The following RHEX variants were observed in gnomAD, a reference collection of about 807,000 sequenced individuals.
RHEX encodes the protein regulator of hemoglobinization and erythroid cell expansion, also known as regulator of hemoglobinization and erythroid cell expansion protein.
Under a neutral mutation model 20.1 loss-of-function variants are expected in RHEX, and 18 were observed. The observed-to-expected ratio is 0.90, with a 90% CI of 0.62 to 1.33. The LOEUF (loss-of-function observed/expected upper bound fraction) is 1.33, where lower values mean the gene tolerates loss of function less well. Among genes scored for constraint, RHEX ranks in the 40% most tolerant of loss-of-function variants. The pLI is 0.00. For missense variants in RHEX, 192 were observed against 214.3 expected, an observed-to-expected ratio of 0.90 and a Z score of 0.65; for synonymous variants, 87 against 77.1, an observed-to-expected ratio of 1.13 and a Z score of -0.67.
intron 2 of RHEX, 38 bp downstream of exon 2, chr1:206,097,877 C>T: frequency 6.9e-7 from 1 of 1,438,898 alleles, no homozygotes; most frequent in African/African-American, 1.4e-5. Context: ...AAGGTTCCCA[C>T]CAAGCTAACT....
In RHEX at chr1:206,097,975, C is replaced by T. The variant is rs145268831; in HGVS notation, c.12-106C>T. 234 of 1,168,530 alleles carry T rather than the reference C, an allele frequency of 2.0e-4. 1 individual carries two copies. In the African/African-American group the frequency reaches 3.2e-3, roughly 16 times the overall value. The allele number at this position is 1,168,530 out of a possible 1,614,324, so 72.4% of individuals were successfully genotyped here. A position where few individuals can be genotyped will look rare whatever the true frequency, so the allele number is the denominator to read the frequency against. ...AGAGGCAAAGGGACCTACCCTGGGA[C>T]ACGCAGCAATGCCAGATGTCTGCCT... On this transcript the variant is annotated intron_variant, in intron 2 of 5. Transcript: ENST00000331555.
At chr1:206,093,483 C>T (rs1273784288) in intron 1 of RHEX, among the ~76,000 whole-genome samples, 1 of 152,100 alleles carries the variant, frequency 6.6e-6, no homozygotes, top group African/African-American at 2.4e-5. Flanking sequence ...CTTGGCCAGG[C>T]TGGTCTTGAA....
Position 206,067,818 on chromosome 1 carries a change from T to C in RHEX, c.-97+14553T>C, listed in dbSNP as rs1353008458. Among the ~76,000 whole-genome samples the C allele has an allele frequency of 2.6e-5, 4 of 152,222 alleles. No homozygotes were observed. Among genetic ancestry groups the C allele is most frequent in the African/African-American group, 9.6e-5 (4 of 41,454 alleles). On this transcript the variant is annotated intron_variant, in intron 1 of 5. Coordinates refer to ENST00000331555, the MANE Select transcript of RHEX (RefSeq NM_001007544.4). The surrounding 1 kb of genome is among the most constrained non-coding windows in gnomAD (Gnocchi z 4.6). The stretch of plus-strand genomic sequence containing the variant: ...TCCTTGCAACATATTCTCCCTGTAA[T>C]GAGCTTGCTTTCTTTAACTCACTAC...
At chr1:206,064,719 GC>G (rs1391798987) in intron 1 of RHEX, among the ~76,000 whole-genome samples, 2 of 151,464 alleles carry the variant, frequency 1.3e-5, no homozygotes, top group Admixed American at 6.6e-5. Flanking sequence ...CTGCCCGGCC[GC>G]CCCTGCTGGG....
At chr1:206,091,602 C>T (rs1453731355) in intron 1 of RHEX, among the ~76,000 whole-genome samples, 1 of 152,110 alleles carries the variant, frequency 6.6e-6, no homozygotes, top group Admixed American at 6.5e-5. Flanking sequence ...AAGACAGCTT[C>T]CTGACATGAT....
intron 1 of RHEX, among the ~76,000 whole-genome samples, chr1:206,066,448 C>G (rs1662424106): frequency 6.6e-6 from 1 of 152,180 alleles, no homozygotes; most frequent in Non-Finnish European, 1.5e-5. Context: ...GAAACCCTGT[C>G]TCTACTAAAA....
chr1:206,097,886 C>G, intron 2 of RHEX, 47 bp downstream of exon 2: 2 of 1,381,878 alleles, frequency 1.4e-6, no homozygotes, highest in Non-Finnish European at 2.1e-6. Flanking sequence ...ACCAAGCTAA[C>G]TGGTGTAGCT....
At chr1:206,059,470 T>A (rs943854657) in intron 1 of RHEX, among the ~76,000 whole-genome samples, 13 of 152,252 alleles carry the variant, frequency 8.5e-5, no homozygotes, top group Admixed American at 2.6e-4. Flanking sequence ...ATCCAATGGG[T>A]TCCCCCCACC....
At chr1:206,101,021 G>T in intron 4 of RHEX, 115 bp from the exon 5 acceptor site, 2 of 740,762 alleles carry the variant, frequency 2.7e-6, no homozygotes, top group East Asian at 2.7e-5. Context: ...TTTTGTTGCT[G>T]GCTCTGCCTC....
chr1:206,063,911 G>A (rs528993180), intron 1 of RHEX, among the ~76,000 whole-genome samples: 15 of 150,946 alleles, frequency 9.9e-5, no homozygotes, highest in East Asian at 5.9e-4. Flanking sequence ...AGTGAGGAGC[G>A]TCTCTGCCCG....
intron 1 of RHEX, among the ~76,000 whole-genome samples, chr1:206,064,935 G>C (rs1215603042): frequency 6.6e-6 from 1 of 152,150 alleles, no homozygotes; most frequent in Non-Finnish European, 1.5e-5. Context: ...TGTACTAAGA[G>C]AAGTTCTTCT....
intron 1 of RHEX, among the ~76,000 whole-genome samples, chr1:206,088,067 C>A (rs1317004711): frequency 6.6e-6 from 1 of 152,116 alleles, no homozygotes; most frequent in Non-Finnish European, 1.5e-5. Flanking sequence ...GTGCAGTGAG[C>A]TTTGATCCTA....
chr1:206,090,202 CTTTTTTTTTTTT>C (rs59499927), intron 1 of RHEX, among the ~76,000 whole-genome samples: 5 of 112,590 alleles, frequency 4.4e-5, no homozygotes, highest in African/African-American at 1.4e-4. Context: ...TCTTTTCTTT[CTTTTTTTTTTTT>C]TTTTTTTTTT....
In RHEX at chr1:206,067,638, G is replaced by C. The variant is rs1553284285; in HGVS notation, c.-97+14373G>C. ...ACAGCTCATCACTGACAACCCACTGGCAGGACATCCTGTTCCCAAATACCT... is the reference window on the plus strand; with the variant it reads ...ACAGCTCATCACTGACAACCCACTGCCAGGACATCCTGTTCCCAAATACCT... On this transcript the variant is annotated intron_variant, in intron 1 of 5. Transcript: ENST00000331555. The surrounding 1 kb of genome is among the most constrained non-coding windows in gnomAD (Gnocchi z 4.6). 1.3e-5 allele frequency among the ~76,000 whole-genome samples: 2 copies of C among 152,078 alleles called. No homozygotes were observed. Among genetic ancestry groups the C allele is most frequent in the African/African-American group, 4.8e-5 (2 of 41,404 alleles).
chr1:206,064,011 C>T (rs1281533172), intron 1 of RHEX, among the ~76,000 whole-genome samples: 3 of 149,618 alleles, frequency 2.0e-5, no homozygotes, highest in African/African-American at 5.0e-5. Context: ...GGCCGCCCAT[C>T]GTCTGAGATG....
intron 1 of RHEX, among the ~76,000 whole-genome samples, chr1:206,081,101 A>G (rs2102319162): frequency 6.6e-6 from 1 of 152,308 alleles, no homozygotes; most frequent in East Asian, 1.9e-4. Flanking sequence ...TTGGCTTTCC[A>G]AAGTGCTGGA....
rs140623711 is a variant in RHEX, at chr1:206,099,770, C to T, written c.228C>T (p.Asp76=). The T allele has an allele frequency of 1.3e-4, 210 of 1,614,052 alleles. No homozygotes were observed. The African/African-American group carries it at 2.4e-3, about 18-fold the overall frequency. ...KEMKETQTER[D]IPMSDSLYRH... ...TGAAGGAGACTCAGACAGAGAGAGA[C>T]ATCCCAATGTCTGATTCCCTTTACA... The change falls in exon 4 of 6, where the codon GAC becomes GAT. Residue 76 remains aspartate (D), a synonymous_variant. Transcript: ENST00000331555.
intron 1 of RHEX, among the ~76,000 whole-genome samples, chr1:206,064,405 C>A (rs1243624669): frequency 8.5e-6 from 1 of 117,648 alleles, no homozygotes; most frequent in African/African-American, 3.7e-5. Context: ...GTCAGCCCCC[C>A]GCCCGGCCAG....
At chr1:206,079,277 G>A (rs1382201593) in intron 1 of RHEX, among the ~76,000 whole-genome samples, 1 of 152,110 alleles carries the variant, frequency 6.6e-6, no homozygotes, top group Non-Finnish European at 1.5e-5. Flanking sequence ...TGCTATCTAG[G>A]TTGCAGTGAA....
Sources: gnomAD v4.1 joint callset for allele counts (sites outside exome capture counted in the v4.1 genomes callset) on GRCh38, gnomAD v4.1.1 for gene constraint, Gnocchi (gnomAD v3.1) non-coding constraint, MANE v1.5 for transcripts, NCBI Gene and HGNC (gene_info 2026-07-23, HGNC 2026-07-21) for gene names.